Variants in DENND4C observed in about 807,000 individuals in gnomAD.
DENND4C encodes DENN domain containing 4C.
DENND4C carries 108 observed loss-of-function variants against 203.0 expected under a neutral mutation model. That is an observed-to-expected ratio of 0.53 (90% CI 0.46 to 0.62). DENND4C has a LOEUF of 0.62. Ranked by LOEUF, DENND4C falls within the 20% of genes least tolerant of loss-of-function variation. The pLI, the probability that DENND4C is intolerant of heterozygous loss-of-function variation, is 0.00. For missense variants in DENND4C, 2,481 were observed against 2,301.2 expected, an observed-to-expected ratio of 1.08 and a Z score of -1.60; for synonymous variants, 871 against 792.4, an observed-to-expected ratio of 1.10 and a Z score of -1.67.
chr9:19,342,531 G>C (rs1821889881), intron 21 of DENND4C, 102 bp from the exon 22 acceptor site: 2 of 1,258,066 alleles, frequency 1.6e-6, no homozygotes, highest in Non-Finnish European at 2.1e-6. Context: ...TAGACACACT[G>C]ACTGTTGGAG....
intron 27 of DENND4C, 189 bp downstream of exon 27, chr9:19,357,343 G>GTT: frequency 1.9e-6 from 1 of 530,488 alleles, no homozygotes; most frequent in Non-Finnish European, 3.3e-6. Context: ...TTTGAACTAA[G>GTT]TTTAATATTT....
intron 3 of DENND4C, among the ~76,000 whole-genome samples, chr9:19,287,424 C>CT (rs1315600708): frequency 6.6e-6 from 1 of 152,072 alleles, no homozygotes. Context: ...GTCGCCCAGG[C>CT]TGGAGTACAG....
intron 10 of DENND4C, among the ~76,000 whole-genome samples, chr9:19,310,429 C>G (rs1840514486): frequency 6.6e-6 from 1 of 152,170 alleles, no homozygotes; most frequent in Non-Finnish European, 1.5e-5. Context: ...TTTATTGGAA[C>G]ACAGCCATGC....
chr9:19,333,466 C>G (rs557882393), intron 17 of DENND4C, among the ~76,000 whole-genome samples: 1 of 152,216 alleles, frequency 6.6e-6, no homozygotes, highest in South Asian at 2.1e-4. Flanking sequence ...CATCCCTGGC[C>G]TCTACCAACT....
chr9:19,315,155 C>CAAAAAAAAAAAAAAAAAA (rs10623955), intron 10 of DENND4C, among the ~76,000 whole-genome samples: 1 of 119,482 alleles, frequency 8.4e-6, no homozygotes, highest in Non-Finnish European at 1.7e-5. Flanking sequence ...GACTCCGTCT[C>CAAAAAAAAAAAAAAAAAA]AAAAAAAAAA....
intron 1 of DENND4C, among the ~76,000 whole-genome samples, chr9:19,250,887 C>A (rs1354920531): frequency 6.6e-6 from 1 of 152,230 alleles, no homozygotes; most frequent in Non-Finnish European, 1.5e-5. Flanking sequence ...GGTACCTAGC[C>A]TCCCTCCGGT....
intron 12 of DENND4C, among the ~76,000 whole-genome samples, chr9:19,320,522 A>AT (rs1024920921): frequency 2.0e-5 from 3 of 152,170 alleles, no homozygotes; most frequent in South Asian, 2.1e-4. Flanking sequence ...TCTGGCATGT[A>AT]TTTTTTAGTT....
At chr9:19,244,884 C>G (rs1304625099) in intron 1 of DENND4C, among the ~76,000 whole-genome samples, 1 of 152,158 alleles carries the variant, frequency 6.6e-6, no homozygotes, top group Non-Finnish European at 1.5e-5. Flanking sequence ...CTAGACCTCC[C>G]TTACTGGGTT....
chr9:19,301,499 G>A (rs965034716), intron 9 of DENND4C, among the ~76,000 whole-genome samples: 3 of 152,210 alleles, frequency 2.0e-5, no homozygotes, highest in African/African-American at 7.2e-5. Flanking sequence ...GTGCTGTTAG[G>A]ACTGAAAACA....
intron 18 of DENND4C, among the ~76,000 whole-genome samples, chr9:19,335,412 C>T (rs1237930813): frequency 6.6e-6 from 1 of 152,116 alleles, no homozygotes; most frequent in African/African-American, 2.4e-5. Flanking sequence ...TTGTTATTAA[C>T]TGTAGTCCCC....
At chr9:19,350,579 A>G (rs1823864903) in intron 23 of DENND4C, 123 bp from the exon 24 acceptor site, 2 of 777,938 alleles carry the variant, frequency 2.6e-6, no homozygotes, top group Non-Finnish European at 3.9e-6. Context: ...TGGTTTTGAA[A>G]AATGTGGGGA....
At chr9:19,340,617 G>A (rs1480556126) in intron 20 of DENND4C, among the ~76,000 whole-genome samples, 1 of 151,918 alleles carries the variant, frequency 6.6e-6, no homozygotes, top group Admixed American at 6.6e-5. Context: ...ACTGTTTTCT[G>A]GTTTATTTTG....
intron 24 of DENND4C, 68 bp from the exon 25 acceptor site, chr9:19,352,005 T>A: frequency 7.7e-7 from 1 of 1,305,454 alleles, no homozygotes; most frequent in Non-Finnish European, 1.1e-6. Flanking sequence ...CCTAAATACT[T>A]TGGCATGCAT....
intron 4 of DENND4C, among the ~76,000 whole-genome samples, chr9:19,289,736 C>T (rs1026096497): frequency 2.7e-5 from 4 of 148,430 alleles, no homozygotes; most frequent in South Asian, 2.1e-4. Flanking sequence ...GGCTGAGGCA[C>T]GAGAATCGCT....
intron 1 of DENND4C, among the ~76,000 whole-genome samples, chr9:19,231,193 C>A (rs1053812243): frequency 2.0e-5 from 3 of 152,034 alleles, no homozygotes; most frequent in Non-Finnish European, 4.4e-5. Flanking sequence ...TGGTGGGGGC[C>A]GGGGTGCGGA....
intron 1 of DENND4C, among the ~76,000 whole-genome samples, chr9:19,264,322 C>T (rs1446348699): frequency 1.5e-4 from 22 of 150,316 alleles, no homozygotes; most frequent in African/African-American, 3.4e-4. Flanking sequence ...TTTTTTGAGA[C>T]GGAGTCTCAC....
intron 10 of DENND4C, among the ~76,000 whole-genome samples, chr9:19,306,674 A>G (rs1047207010): frequency 9.3e-4 from 141 of 151,994 alleles, no homozygotes; most frequent in African/African-American, 3.3e-3. Flanking sequence ...CGCAGTTTTG[A>G]GTAACTTTTA....
intron 26 of DENND4C, among the ~76,000 whole-genome samples, chr9:19,354,545 T>A (rs944007073): frequency 2.8e-5 from 4 of 140,730 alleles, no homozygotes; most frequent in African/African-American, 1.1e-4. Context: ...CTTGTTATTC[T>A]AGCCTTTTTT....
intron 1 of DENND4C, among the ~76,000 whole-genome samples, chr9:19,232,977 C>T (rs1820953447): frequency 6.6e-6 from 1 of 151,360 alleles, no homozygotes; most frequent in Non-Finnish European, 1.5e-5. Context: ...GGCTTTGCTG[C>T]TCAGTTTGAA....
Sources: allele counts gnomAD v4.1 joint callset (sites outside exome capture counted in the v4.1 genomes callset), GRCh38; gene constraint gnomAD v4.1.1; transcripts MANE v1.5; gene names NCBI Gene and HGNC (gene_info 2026-07-23, HGNC 2026-07-21).